FGF13: variants seen among roughly 807,000 people sequenced by gnomAD.
FGF13 encodes fibroblast growth factor 13.
Under a neutral mutation model 19.5 loss-of-function variants are expected in FGF13, and 2 were observed. The ratio of observed to expected loss-of-function variants is 0.10; its 90% CI spans 0.04 to 0.32. The LOEUF (loss-of-function observed/expected upper bound fraction) is 0.32, where lower values mean the gene tolerates loss of function less well. Ranked by LOEUF, FGF13 falls within the 10% of genes least tolerant of loss-of-function variation. FGF13 has a pLI of 1.00. For missense variants in FGF13, 113 were observed against 192.7 expected (o/e 0.59, Z 2.45); for synonymous variants, 72 against 76.9 (o/e 0.94, Z 0.33).
chrX:138,957,354 G>A (rs756333536), intron 1 of FGF13, among the ~76,000 whole-genome samples: 82 of 111,887 alleles, frequency 7.3e-4, no homozygotes, highest in African/African-American at 2.6e-3. Context: ...AAGAGACACA[G>A]GAATATATTT....
At chrX:138,647,082 C>CA (rs1313321172) in intron 3 of FGF13, among the ~76,000 whole-genome samples, 2 of 110,464 alleles carry the variant, frequency 1.8e-5, no homozygotes, top group East Asian at 5.7e-4. Flanking sequence ...GCTCAGAGCT[C>CA]AGGGTGAAAT....
chrX:138,707,537 T>C, intron 2 of FGF13, among the ~76,000 whole-genome samples: 1 of 112,040 alleles, frequency 8.9e-6, no homozygotes, highest in East Asian at 2.8e-4. Context: ...AGATGATCAC[T>C]ATACACTAAT....
chrX:138,842,480 G>C (rs1016831316), intron 3 of FGF13, among the ~76,000 whole-genome samples: 1 of 110,952 alleles, frequency 9.0e-6, no homozygotes, highest in South Asian at 3.8e-4. Context: ...AGAGTAAGGC[G>C]GAGTTTGAAT....
At chrX:138,859,700 C>A (rs191183791) in intron 2 of FGF13, among the ~76,000 whole-genome samples, 3 of 112,101 alleles carry the variant, frequency 2.7e-5, no homozygotes, top group African/African-American at 6.5e-5. Context: ...TAATTAGATA[C>A]GACTGGTTAT....
chrX:138,749,289 T>A (rs959620668), intron 3 of FGF13, among the ~76,000 whole-genome samples: 1 of 104,313 alleles, frequency 9.6e-6, no homozygotes, highest in African/African-American at 3.6e-5. Flanking sequence ...CTGGCCTAAA[T>A]GAGCTTTTAG....
chrX:138,771,609 C>A (rs2090545620), intron 3 of FGF13, among the ~76,000 whole-genome samples: 1 of 110,861 alleles, frequency 9.0e-6, no homozygotes, highest in African/African-American at 3.3e-5. Flanking sequence ...TACTTCCCCT[C>A]CAGAAAAAGG....
At chrX:139,204,245 CCCCA>C, upstream of FGF13, 1 of 576,344 alleles carries the variant, frequency 1.7e-6, no homozygotes, top group Non-Finnish European at 2.9e-6. Flanking sequence ...ATCCGCTTTT[CCCCA>C]CCGCTGCCGC....
intron 1 of FGF13, among the ~76,000 whole-genome samples, chrX:138,734,365 T>C (rs2090256784): frequency 9.0e-6 from 1 of 111,576 alleles, no homozygotes; most frequent in South Asian, 3.8e-4. Flanking sequence ...TTTTTTCACA[T>C]AAATGACATG....
chrX:138,615,652 A>T lies in FGF13; in HGVS notation c.*17198T>A, dbSNP rs1453486643. 2.7e-5 allele frequency: 3 copies of T among 111,746 alleles called. No individual in the cohort carries two copies. The East Asian group carries it at 8.5e-4, about 32-fold the overall frequency. The allele number at this position is 111,746 out of a possible 1,213,427, so 9.2% of individuals were successfully genotyped here. A position where few individuals can be genotyped will look rare whatever the true frequency, so the allele number is the denominator to read the frequency against. On this transcript the variant is annotated 3_prime_UTR_variant, in exon 5 of 5. Transcript: ENST00000315930. ...ATAATGCAATGGGAACAGTTGAAAT[A>T]TTGGCTTGTTTACTTGCATTTGTAT...
intron 1 of FGF13, among the ~76,000 whole-genome samples, chrX:138,968,116 A>C (rs930499231): frequency 2.7e-5 from 3 of 111,803 alleles, no homozygotes; most frequent in Non-Finnish European, 5.6e-5. Context: ...ATAACATAAA[A>C]ATATACCTCT....
At position 139,129,183 on chromosome X, in the gene FGF13, G is replaced by A. The variant is rs867828344; in HGVS notation, c.-113+74233C>T. Among the ~76,000 whole-genome samples the A allele has an allele frequency of 2.5e-4, 23 of 93,558 alleles. No individual in the cohort carries two copies. In the South Asian group the frequency reaches 8.0e-3, roughly 32 times the overall value. The allele number at this position is 93,558 out of a possible 115,157, so 81.2% of individuals were successfully genotyped here. ...CACACACACACACACACACACACAT[G>A]TGTGTGTGTGTAATTTATGTAATTA... On this transcript the variant is annotated intron_variant, in intron 1 of 2. Coordinates refer to the FGF13 transcript ENST00000421460.
chrX:138,902,038 T>C (rs1310711224), intron 1 of FGF13, among the ~76,000 whole-genome samples: 1 of 112,432 alleles, frequency 8.9e-6, no homozygotes. Flanking sequence ...CTTACAAGTA[T>C]TGGGAGGAGA....
At chrX:138,757,475 C>T (rs1190894132) in intron 3 of FGF13, among the ~76,000 whole-genome samples, 1 of 111,409 alleles carries the variant, frequency 9.0e-6, no homozygotes. Flanking sequence ...GTGTTTTCTG[C>T]CATCCTTAAA....
intron 3 of FGF13, among the ~76,000 whole-genome samples, chrX:138,801,344 T>A (rs1205608720): frequency 8.9e-6 from 1 of 112,163 alleles, no homozygotes; most frequent in Non-Finnish European, 1.9e-5. Context: ...AGGCCCCTCT[T>A]CTGCAGGTCT....
intron 3 of FGF13, among the ~76,000 whole-genome samples, chrX:138,763,072 C>A (rs984129387): frequency 9.0e-6 from 1 of 110,859 alleles, no homozygotes; most frequent in African/African-American, 3.3e-5. Context: ...GAGACACCTG[C>A]TTAGCTCACA....
intron 3 of FGF13, among the ~76,000 whole-genome samples, chrX:138,790,984 G>GA (rs1392357421): frequency 9.1e-6 from 1 of 110,214 alleles, no homozygotes; most frequent in Admixed American, 9.7e-5. Context: ...AACATATTCA[G>GA]AAAAAACAAT....
At chrX:138,995,844 G>A (rs959169472) in intron 1 of FGF13, among the ~76,000 whole-genome samples, 8 of 111,909 alleles carry the variant, frequency 7.1e-5, no homozygotes, top group African/African-American at 2.3e-4. Flanking sequence ...TTGCTGGGTC[G>A]AATGGTAGTT....
chrX:138,946,327 G>C (rs374017841), intron 1 of FGF13, among the ~76,000 whole-genome samples: 1 of 111,809 alleles, frequency 8.9e-6, no homozygotes, highest in Non-Finnish European at 1.9e-5. Flanking sequence ...GAAAAGAGCC[G>C]CTGGATCTCA....
chrX:138,893,148 C>G (rs181667387), intron 1 of FGF13, among the ~76,000 whole-genome samples: 1 of 111,430 alleles, frequency 9.0e-6, no homozygotes, highest in South Asian at 3.8e-4. Flanking sequence ...AGAAGGACCT[C>G]GGAGGTAACT....
Sources: gnomAD v4.1 joint callset for allele counts (sites outside exome capture counted in the v4.1 genomes callset) on GRCh38, gnomAD v4.1.1 for gene constraint, MANE v1.5 for transcripts, NCBI Gene and HGNC (gene_info 2026-07-23, HGNC 2026-07-21) for gene names.